GNAQ: variants seen among roughly 807,000 people sequenced by gnomAD.
The protein encoded by GNAQ is G protein subunit alpha q, also known as guanine nucleotide-binding protein G(q) subunit alpha.
Under a neutral mutation model 43.9 loss-of-function variants are expected in GNAQ, and 8 were observed. The observed-to-expected ratio is 0.18, with a 90% CI of 0.11 to 0.33. The LOEUF (loss-of-function observed/expected upper bound fraction) is 0.33. GNAQ is among the 10% of genes least tolerant of loss of function. GNAQ has a pLI of 1.00. For missense variants in GNAQ, 158 were observed against 450.8 expected (o/e 0.35, Z 5.88); for synonymous variants, 155 against 170.7 (o/e 0.91, Z 0.71).
chr9:77,933,640 C>CAAAA (rs56939865), intron 1 of GNAQ, among the ~76,000 whole-genome samples: 1 of 147,714 alleles, frequency 6.8e-6, no homozygotes, highest in Non-Finnish European at 1.5e-5. Context: ...GACCCTGTCT[C>CAAAA]AAAAAAAAAA....
At chr9:77,927,693 T>C (rs1053958548) in intron 1 of GNAQ, among the ~76,000 whole-genome samples, 2 of 152,150 alleles carry the variant, frequency 1.3e-5, no homozygotes, top group Admixed American at 6.6e-5. Flanking sequence ...CCAAAACAGT[T>C]ACCAAAACTG....
chr9:77,963,988 T>C (rs1823136227), intron 1 of GNAQ, among the ~76,000 whole-genome samples: 1 of 152,188 alleles, frequency 6.6e-6, no homozygotes, highest in African/African-American at 2.4e-5. Context: ...GACCCTCAAT[T>C]CTTTAGGAAT....
intron 2 of GNAQ, among the ~76,000 whole-genome samples, chr9:77,909,259 C>T (rs1169684703): frequency 2.6e-5 from 4 of 152,172 alleles, no homozygotes; most frequent in African/African-American, 9.7e-5. Flanking sequence ...TAGTGAGGTA[C>T]TTTGACTGCA....
At chr9:77,825,228 C>G (rs1276201323) in intron 2 of GNAQ, among the ~76,000 whole-genome samples, 1 of 152,002 alleles carries the variant, frequency 6.6e-6, no homozygotes, top group Non-Finnish European at 1.5e-5. Flanking sequence ...CTTATTATGG[C>G]CAAAAAGATC....
intron 1 of GNAQ, among the ~76,000 whole-genome samples, chr9:78,002,143 T>C (rs13285534): frequency 0.083 from 12,691 of 152,296 alleles, 573 homozygotes; most frequent in South Asian, 0.11. Flanking sequence ...TTCCACATAA[T>C]ATTATTCAGT....
At chr9:77,765,020 GA>G (rs1175341968) in intron 5 of GNAQ, among the ~76,000 whole-genome samples, 1 of 152,128 alleles carries the variant, frequency 6.6e-6, no homozygotes, top group African/African-American at 2.4e-5. Flanking sequence ...ATCCTGTCGG[GA>G]TAACCTGGGA....
At chr9:78,026,140 C>A (rs1175531340) in intron 1 of GNAQ, among the ~76,000 whole-genome samples, 1 of 152,122 alleles carries the variant, frequency 6.6e-6, no homozygotes, top group East Asian at 1.9e-4. Flanking sequence ...TCTGGTTCTC[C>A]TTTCTAAACT....
chr9:77,781,314 T>C (rs975932136), intron 5 of GNAQ, among the ~76,000 whole-genome samples: 2 of 95,742 alleles, frequency 2.1e-5, no homozygotes, highest in Non-Finnish European at 2.8e-5. Flanking sequence ...CATGTGGATA[T>C]CTAGCTTTTC....
intron 2 of GNAQ, among the ~76,000 whole-genome samples, chr9:77,817,097 G>A (rs535488436): frequency 6.6e-6 from 1 of 152,158 alleles, no homozygotes; most frequent in African/African-American, 2.4e-5. Context: ...GCAATCTTCC[G>A]TGTTCTCCCA....
intron 1 of GNAQ, among the ~76,000 whole-genome samples, chr9:77,940,480 G>A (rs947987433): frequency 6.6e-6 from 1 of 152,158 alleles, no homozygotes; most frequent in South Asian, 2.1e-4. Flanking sequence ...TTGGAAGGCT[G>A]AGGGGAGAGG....
intron 3 of GNAQ, among the ~76,000 whole-genome samples, chr9:77,808,327 C>G (rs145070842): frequency 7.1e-4 from 107 of 151,028 alleles, no homozygotes; most frequent in Middle Eastern, 3.4e-3. Flanking sequence ...TTAGAATCAT[C>G]AGCATTCACC....
chr9:77,846,698 T>G (rs185954778), intron 2 of GNAQ, among the ~76,000 whole-genome samples: 1 of 152,286 alleles, frequency 6.6e-6, no homozygotes, highest in Admixed American at 6.5e-5. Context: ...CTAAATATAG[T>G]GAACAAGGCT....
chr9:77,794,109 A>G (rs1826620276), intron 5 of GNAQ, among the ~76,000 whole-genome samples: 1 of 152,170 alleles, frequency 6.6e-6, no homozygotes, highest in Non-Finnish European at 1.5e-5. Context: ...AAATGAAAAC[A>G]AAACAAAACA....
In GNAQ at chr9:77,821,892, T is replaced by C. The variant is rs12351619; in HGVS notation, c.322-6122A>G. ...CATATTCATTAAAATTCAAAACAAT[T>C]AGGGTATGGTCTGTATGACTACTTT... On this transcript the variant is annotated intron_variant, in intron 2 of 6. Transcript: ENST00000286548. 7.3e-3 allele frequency among the ~76,000 whole-genome samples: 1,118 copies of C among 152,148 alleles called. 8 individuals are homozygous for C. The highest frequency in any genetic ancestry group is 0.023 in the African/African-American group (972 of 41,500).
intron 2 of GNAQ, among the ~76,000 whole-genome samples, chr9:77,921,851 C>T (rs1306158649): frequency 6.6e-6 from 1 of 152,156 alleles, no homozygotes; most frequent in African/African-American, 2.4e-5. Flanking sequence ...AAACTCTCTC[C>T]TTAACATAAT....
At chr9:78,026,504 T>C (rs181678087) in intron 1 of GNAQ, among the ~76,000 whole-genome samples, 757 of 152,232 alleles carry the variant, frequency 5.0e-3, no homozygotes, top group Non-Finnish European at 8.7e-3. Flanking sequence ...TAGCAAAAAA[T>C]AAAACCTGTT....
chr9:77,840,353 GTTT>G (rs397701613), intron 2 of GNAQ, among the ~76,000 whole-genome samples: 1 of 142,398 alleles, frequency 7.0e-6, no homozygotes, highest in Non-Finnish European at 1.5e-5. Context: ...ATTACTTTTT[GTTT>G]TTTTTTTTTT....
chr9:78,018,084 T>C (rs1823861235), intron 1 of GNAQ, among the ~76,000 whole-genome samples: 1 of 152,030 alleles, frequency 6.6e-6, no homozygotes, highest in Non-Finnish European at 1.5e-5. Flanking sequence ...CTAACAAAAT[T>C]ATGTGTGTGC....
intron 2 of GNAQ, among the ~76,000 whole-genome samples, chr9:77,842,161 T>C (rs1827502532): frequency 6.6e-6 from 1 of 152,214 alleles, no homozygotes; most frequent in South Asian, 2.1e-4. Context: ...AGAGCTGTCA[T>C]CAGAGCTACA....
Sources: allele counts gnomAD v4.1 joint callset (sites outside exome capture counted in the v4.1 genomes callset), GRCh38; gene constraint gnomAD v4.1.1; transcripts MANE v1.5; gene names NCBI Gene and HGNC (gene_info 2026-07-23, HGNC 2026-07-21).